Variants in FGF14 observed in about 807,000 individuals in gnomAD.
FGF14 encodes fibroblast growth factor homologous factor 4.
Under a neutral mutation model 25.5 loss-of-function variants are expected in FGF14, and 5 were observed. The observed-to-expected ratio is 0.20, with a 90% CI of 0.10 to 0.41. FGF14 has a LOEUF of 0.41. FGF14 is among the 10% of genes least tolerant of loss of function. The pLI is 1.00. For missense variants in FGF14, 222 were observed against 320.1 expected, an observed-to-expected ratio of 0.69 and a Z score of 2.34; for synonymous variants, 138 against 118.3, an observed-to-expected ratio of 1.17 and a Z score of -1.08.
intron 1 of FGF14, among the ~76,000 whole-genome samples, chr13:102,163,840 C>CA (rs2047886344): frequency 6.6e-6 from 1 of 152,028 alleles, no homozygotes; most frequent in Non-Finnish European, 1.5e-5. Flanking sequence ...TTGCCCCCCC[C>CA]AGAAAACATT....
chr13:102,171,972 G>GTATTTATT lies in FGF14; in HGVS notation c.208+229491_208+229498dup, dbSNP rs58098373. Among the ~76,000 whole-genome samples, 1,019 of 146,214 alleles carry GTATTTATT rather than the reference G, an allele frequency of 7.0e-3. 14 individuals carry two copies. Among genetic ancestry groups the GTATTTATT allele is most frequent in the African/African-American group, 0.023 (900 of 39,462 alleles). On this transcript the variant is annotated intron_variant, in intron 1 of 4. Coordinates refer to the FGF14 transcript ENST00000376131. ...GCAAAAAAAGATATGCACTTACCAT[G>GTATTTATT]TATTTATTTATTTATTTATTTATTT... is the stretch of plus-strand genomic sequence containing the variant.
In FGF14 at chr13:102,059,706, C is replaced by T. The variant is rs569230374; in HGVS notation, c.209-184410G>A. On this transcript the variant is annotated intron_variant, in intron 1 of 4. Coordinates refer to the FGF14 transcript ENST00000376131. The stretch of plus-strand genomic sequence containing the variant: ...TCTCTACTAAAAATGCAAAACTTAG[C>T]CAGGCGTGGTTCTGCACGCCTGTAG... 2.9e-3 allele frequency among the ~76,000 whole-genome samples: 442 copies of T among 152,096 alleles called. 4 individuals carry two copies. Among genetic ancestry groups the T allele is most frequent in the Admixed American group, 0.028 (428 of 15,284 alleles).
intron 3 of FGF14, among the ~76,000 whole-genome samples, chr13:101,813,992 T>C (rs925632349): frequency 3.3e-5 from 5 of 152,230 alleles, no homozygotes; most frequent in African/African-American, 9.6e-5. Flanking sequence ...AAAGAATTCA[T>C]TCATTAAACA....
intron 1 of FGF14, among the ~76,000 whole-genome samples, chr13:102,085,104 AC>A (rs536008738): frequency 4.6e-5 from 7 of 152,336 alleles, no homozygotes; most frequent in Admixed American, 4.6e-4. Flanking sequence ...CTTAGCATTT[AC>A]CACCTTTCCT....
intron 1 of FGF14, among the ~76,000 whole-genome samples, chr13:102,216,677 C>T (rs901955912): frequency 2.6e-5 from 4 of 152,100 alleles, no homozygotes; most frequent in East Asian, 1.9e-4. Flanking sequence ...AAAACCTTTC[C>T]GATAGCTATT....
At chr13:102,054,893 T>C (rs1320921656) in intron 1 of FGF14, among the ~76,000 whole-genome samples, 2 of 152,186 alleles carry the variant, frequency 1.3e-5, no homozygotes, top group East Asian at 3.9e-4. Flanking sequence ...CAAAGAATCC[T>C]CTGAAACTAT....
At chr13:102,160,978 T>C (rs1343063356) in intron 1 of FGF14, among the ~76,000 whole-genome samples, 1 of 152,132 alleles carries the variant, frequency 6.6e-6, no homozygotes, top group East Asian at 1.9e-4. Context: ...CTTCAAGTCA[T>C]GCGTGCATTT....
chr13:101,970,622 C>G (rs1001286), intron 1 of FGF14, among the ~76,000 whole-genome samples: 46,933 of 151,964 alleles, frequency 0.31, 7,888 homozygotes, highest in East Asian at 0.71. Context: ...TTTGGAGTCT[C>G]CATGTCTGAC....
At chr13:102,196,942 G>C (rs1330373253) in intron 1 of FGF14, among the ~76,000 whole-genome samples, 1 of 140,160 alleles carries the variant, frequency 7.1e-6, no homozygotes, top group Non-Finnish European at 1.5e-5. Context: ...CCTGAGTCCA[G>C]ATTTTGTTTT....
chr13:102,156,283 C>A (rs1339499622), intron 1 of FGF14, among the ~76,000 whole-genome samples: 1 of 152,176 alleles, frequency 6.6e-6, no homozygotes, highest in Admixed American at 6.5e-5. Flanking sequence ...CAAACCGAAT[C>A]CAGCAGCACA....
chr13:101,717,545 A>G lies in FGF14; in HGVS notation c.*5286T>C, dbSNP rs937691126. 4 of 152,174 alleles carry G rather than the reference A, an allele frequency of 2.6e-5. No homozygotes were observed. The highest frequency in any genetic ancestry group is 4.8e-5 in the African/African-American group (2 of 41,448). 9.4% of individuals were successfully genotyped at this position (152,174 alleles called of 1,614,324 possible). ...TGATGCACAGACATTGGAATTCATT[A>G]CATTATCTAGCCATCGTAATACAAA... On this transcript the variant is annotated 3_prime_UTR_variant, in exon 5 of 5. Transcript: ENST00000376143.
At chr13:101,937,249 C>T (rs1347128659) in intron 1 of FGF14, among the ~76,000 whole-genome samples, 2 of 152,162 alleles carry the variant, frequency 1.3e-5, no homozygotes, top group African/African-American at 4.8e-5. Context: ...GACATGGAAG[C>T]TAATTGTTAC....
chr13:102,280,163 T>G (rs1336446064), intron 1 of FGF14, among the ~76,000 whole-genome samples: 2 of 152,230 alleles, frequency 1.3e-5, no homozygotes, highest in Non-Finnish European at 2.9e-5. Flanking sequence ...TCAGACCACA[T>G]GCTGCAGGAA....
chr13:102,388,606 C>T (rs2058361034), intron 1 of FGF14, among the ~76,000 whole-genome samples: 1 of 152,180 alleles, frequency 6.6e-6, no homozygotes, highest in Admixed American at 6.5e-5. Flanking sequence ...TCGATTCATC[C>T]CTTCCTAATT....
intron 1 of FGF14, among the ~76,000 whole-genome samples, chr13:102,161,673 G>C (rs1382873049): frequency 1.8e-4 from 10 of 56,186 alleles, no homozygotes; most frequent in African/African-American, 5.4e-4. Flanking sequence ...AGAAGAAGAA[G>C]AAGAAGAAGA....
intron 3 of FGF14, among the ~76,000 whole-genome samples, chr13:101,823,400 T>C (rs2042251346): frequency 6.7e-6 from 1 of 149,056 alleles, no homozygotes; most frequent in Non-Finnish European, 1.5e-5. Context: ...ATATATAATA[T>C]ATATTTTGTA....
intron 1 of FGF14, among the ~76,000 whole-genome samples, chr13:101,977,453 T>C (rs1039093924): frequency 6.6e-6 from 1 of 152,252 alleles, no homozygotes; most frequent in African/African-American, 2.4e-5. Context: ...ACTTCTTATC[T>C]GAACCTAAAC....
At chr13:101,745,008 C>T (rs1320244153) in intron 3 of FGF14, among the ~76,000 whole-genome samples, 1 of 151,950 alleles carries the variant, frequency 6.6e-6, no homozygotes, top group Non-Finnish European at 1.5e-5. Flanking sequence ...ACTAGAATGG[C>T]AGAAATGACA....
chr13:101,948,470 A>AT lies in FGF14; in HGVS notation c.209-73175_209-73174insA, dbSNP rs1555325762. Among the ~76,000 whole-genome samples, 15 of 146,064 alleles carry AT rather than the reference A, an allele frequency of 1.0e-4. No individual in the cohort carries two copies. The South Asian group carries it at 1.1e-3, about 10-fold the overall frequency. On this transcript the variant is annotated intron_variant, in intron 1 of 4. Transcript: ENST00000376131. Reference sequence around the variant, plus strand: ...CCTAGAACTTAAAGTATAATAAAAAAATATATATATATATATATAAAGAAA... The same window carrying AT: ...CCTAGAACTTAAAGTATAATAAAAAATATATATATATATATATATAAAGAAA...
Sources: gnomAD v4.1 joint callset for allele counts (sites outside exome capture counted in the v4.1 genomes callset) on GRCh38, gnomAD v4.1.1 for gene constraint, MANE v1.5 for transcripts, NCBI Gene and HGNC (gene_info 2026-07-23, HGNC 2026-07-21) for gene names.